KCNK2: variants seen among roughly 807,000 people sequenced by gnomAD.
KCNK2 encodes potassium two pore domain channel subfamily K member 2.
KCNK2 carries 21 observed loss-of-function variants against 40.5 expected under a neutral mutation model. That is an observed-to-expected ratio of 0.52 (90% CI 0.37 to 0.75). The LOEUF is 0.75. Ranked by LOEUF, KCNK2 falls within the 30% of genes least tolerant of loss-of-function variation. The pLI is 0.00. For missense variants in KCNK2, 399 were observed against 531.6 expected (o/e 0.75, Z 2.45); for synonymous variants, 191 against 202.2 (o/e 0.94, Z 0.47).
chr1:215,138,037 A>AT (rs1662008598), intron 3 of KCNK2, among the ~76,000 whole-genome samples: 1 of 152,212 alleles, frequency 6.6e-6, no homozygotes, highest in African/African-American at 2.4e-5. Context: ...TTTCAGATTG[A>AT]TAAAAAGTGC....
chr1:215,201,747 AT>A (rs762514465), intron 6 of KCNK2, among the ~76,000 whole-genome samples: 1 of 152,144 alleles, frequency 6.6e-6, no homozygotes, highest in African/African-American at 2.4e-5. Context: ...ACTGATCTTT[AT>A]AATGCTTGCT....
At chr1:215,095,405 A>G (rs1659935050) in intron 2 of KCNK2, among the ~76,000 whole-genome samples, 1 of 152,152 alleles carries the variant, frequency 6.6e-6, no homozygotes, top group African/African-American at 2.4e-5. Context: ...CTTCCTAGAG[A>G]TACTTTGATA....
At chr1:215,136,638 C>T (rs377354106) in intron 3 of KCNK2, among the ~76,000 whole-genome samples, 4 of 152,264 alleles carry the variant, frequency 2.6e-5, no homozygotes, top group South Asian at 2.1e-4. Context: ...TCATTGTACT[C>T]GCTAAGAGAC....
chr1:215,125,641 G>A (rs1558102707), intron 3 of KCNK2, among the ~76,000 whole-genome samples: 1 of 151,482 alleles, frequency 6.6e-6, no homozygotes, highest in Non-Finnish European at 1.5e-5. Context: ...TAATGTAAAT[G>A]ATGAGTTAAT....
intron 6 of KCNK2, among the ~76,000 whole-genome samples, chr1:215,230,586 AATATAT>A (rs67678689): frequency 0.18 from 22,178 of 121,930 alleles, 2,557 homozygotes; most frequent in African/African-American, 0.31. Flanking sequence ...ACAAGACCGT[AATATAT>A]ATATATATAT....
intron 1 of KCNK2, among the ~76,000 whole-genome samples, chr1:215,059,937 G>T (rs1252851301): frequency 6.6e-6 from 1 of 152,222 alleles, no homozygotes; most frequent in Non-Finnish European, 1.5e-5. Flanking sequence ...CCTCCAGCAG[G>T]GAGGTGCTGA....
chr1:215,216,652 A>G (rs528496307), intron 6 of KCNK2, among the ~76,000 whole-genome samples: 3 of 151,954 alleles, frequency 2.0e-5, no homozygotes, highest in Non-Finnish European at 4.4e-5. Flanking sequence ...AACAGGTGAA[A>G]TTAATTTTAA....
intron 3 of KCNK2, among the ~76,000 whole-genome samples, chr1:215,158,015 A>C (rs117358085): frequency 6.6e-6 from 1 of 152,236 alleles, no homozygotes; most frequent in East Asian, 1.9e-4. Context: ...AAAAACTGCC[A>C]AGTCACCTTT....
At chr1:215,097,429 T>TAAAAAA (rs200182417) in intron 2 of KCNK2, among the ~76,000 whole-genome samples, 48 of 146,548 alleles carry the variant, frequency 3.3e-4, no homozygotes, top group African/African-American at 1.2e-3. Flanking sequence ...CTTTTTTTCT[T>TAAAAAA]AAAAAAAAAA....
chr1:215,158,676 T>A (rs1303667367), intron 3 of KCNK2, among the ~76,000 whole-genome samples: 1 of 152,170 alleles, frequency 6.6e-6, no homozygotes, highest in African/African-American at 2.4e-5. Flanking sequence ...GTAGGTTACG[T>A]CTTATGAATA....
intron 4 of KCNK2, among the ~76,000 whole-genome samples, chr1:215,170,757 TAATC>T (rs1032377104): frequency 2.0e-5 from 3 of 152,160 alleles, no homozygotes; most frequent in Admixed American, 2.0e-4. Flanking sequence ...CTGTTTATAT[TAATC>T]AAGAGGGCAG....
intron 2 of KCNK2, among the ~76,000 whole-genome samples, chr1:215,090,937 A>G (rs998172848): frequency 6.6e-6 from 1 of 152,160 alleles, no homozygotes; most frequent in Non-Finnish European, 1.5e-5. Flanking sequence ...GAGGACCTCC[A>G]ATGTGTTTAC....
chr1:215,173,419 G>A (rs971506881), intron 5 of KCNK2, among the ~76,000 whole-genome samples: 160 of 152,152 alleles, frequency 1.1e-3, no homozygotes, highest in African/African-American at 3.6e-3. Context: ...GAATAGTGCC[G>A]CAATAAATAT....
At chr1:215,093,923 A>G (rs1425435508) in intron 2 of KCNK2, among the ~76,000 whole-genome samples, 3 of 115,644 alleles carry the variant, frequency 2.6e-5, no homozygotes, top group Admixed American at 1.3e-4. Flanking sequence ...ATATAAAAAT[A>G]TATATTATTA....
chr1:215,225,014 C>T (rs1666330247), intron 6 of KCNK2, among the ~76,000 whole-genome samples: 2 of 152,022 alleles, frequency 1.3e-5, no homozygotes, highest in South Asian at 4.1e-4. Flanking sequence ...ATGCTATATA[C>T]TGCATAATAT....
intron 1 of KCNK2, among the ~76,000 whole-genome samples, chr1:215,040,114 C>T (rs993683565): frequency 1.3e-5 from 2 of 152,106 alleles, no homozygotes; most frequent in Admixed American, 6.5e-5. Flanking sequence ...TACAGTGACA[C>T]CATGGTCACA....
intron 3 of KCNK2, among the ~76,000 whole-genome samples, chr1:215,142,775 G>A (rs1662239832): frequency 6.6e-6 from 1 of 151,988 alleles, no homozygotes; most frequent in Admixed American, 6.6e-5. Flanking sequence ...GCTCTGAATT[G>A]TTATGGAAAT....
At chr1:215,108,997 CTATATATATATGCA>C (rs1437665047) in intron 2 of KCNK2, among the ~76,000 whole-genome samples, 1 of 151,204 alleles carries the variant, frequency 6.6e-6, no homozygotes, top group African/African-American at 2.4e-5. Context: ...AGTGAATGAA[CTATATATATATGCA>C]TATATATATC....
chr1:215,134,574 T>A (rs61818328), intron 3 of KCNK2, among the ~76,000 whole-genome samples: 27,577 of 152,082 alleles, frequency 0.18, 3,314 homozygotes, highest in South Asian at 0.45. Context: ...CATCTAAGTG[T>A]GGTTGATTAT....
Sources: allele counts gnomAD v4.1 joint callset (sites outside exome capture counted in the v4.1 genomes callset), GRCh38; gene constraint gnomAD v4.1.1; transcripts MANE v1.5; gene names NCBI Gene and HGNC (gene_info 2026-07-23, HGNC 2026-07-21).